Variants in CCAR1 observed in about 807,000 individuals in gnomAD.
CCAR1 encodes the protein cell division cycle and apoptosis regulator 1.
In CCAR1, 78 loss-of-function variants were observed where a neutral mutation model predicts 163.8. That is an observed-to-expected ratio of 0.48 (90% CI 0.40 to 0.57). The LOEUF is 0.57. CCAR1 is among the 20% of genes least tolerant of loss of function. The probability of loss-of-function intolerance (pLI) is 0.00; values close to 1 mark genes in which losing one functional copy is unlikely to be tolerated. For synonymous variants in CCAR1, 443 were observed against 460.7 expected (o/e 0.96, Z 0.49); for missense variants, 1,019 against 1,365.2 (o/e 0.75, Z 4.00).
chr10:68,756,222 TAA>T lies in CCAR1; in HGVS notation c.1626-48_1626-47del. 1 of 1,486,588 alleles carries T rather than the reference TAA, an allele frequency of 6.7e-7. No individual in the cohort carries two copies. Among genetic ancestry groups the T allele is most frequent in the Non-Finnish European group, 9.3e-7 (1 of 1,071,990 alleles). The allele number at this position is 1,486,588 out of a possible 1,614,324, so 92.1% of individuals were successfully genotyped here. On this transcript the variant is annotated intron_variant, in intron 13 of 24. Transcript: ENST00000265872. The surrounding 1 kb of genome is among the most constrained non-coding windows in gnomAD (Gnocchi z 5.1). ...TGTGCTACAAGTGAACTAGGGTCTTTAAAATGTATTTTAGAATTTTTTTTCCA... is the reference window on the plus strand; with the variant it reads ...TGTGCTACAAGTGAACTAGGGTCTTTAATGTATTTTAGAATTTTTTTTCCA...
At chr10:68,788,582 C>G (rs1564555714) in intron 23 of CCAR1, among the ~76,000 whole-genome samples, 2 of 152,036 alleles carry the variant, frequency 1.3e-5, no homozygotes, top group Non-Finnish European at 2.9e-5. Flanking sequence ...CCTCCCGGAT[C>G]CAAGTGATTC....
rs771371760 is a variant in CCAR1, at chr10:68,753,838, T to G, written c.1119-14T>G. The G allele has an allele frequency of 6.4e-7, 1 of 1,561,794 alleles. No homozygotes were observed. Among genetic ancestry groups the G allele is most frequent in the African/African-American group, 1.4e-5 (1 of 73,696 alleles). ...ATTAAGGCTATTTATTCACTACTTATGTCTGTTTTTCAGTCCCAGTTGTGA... is the reference window on the plus strand; with the variant it reads ...ATTAAGGCTATTTATTCACTACTTAGGTCTGTTTTTCAGTCCCAGTTGTGA... On this transcript the variant is annotated splice_polypyrimidine_tract_variant and intron_variant, in intron 10 of 24. Transcript: ENST00000265872.
At chr10:68,781,800 A>G (rs1312602872) in intron 19 of CCAR1, among the ~76,000 whole-genome samples, 1 of 151,108 alleles carries the variant, frequency 6.6e-6, no homozygotes, top group Non-Finnish European at 1.5e-5. Flanking sequence ...GCAGTGAGTC[A>G]TGATTGTGCC....
intron 6 of CCAR1, among the ~76,000 whole-genome samples, chr10:68,745,092 G>T (rs568717027): frequency 6.6e-6 from 1 of 151,950 alleles, no homozygotes; most frequent in Non-Finnish European, 1.5e-5. Context: ...TGTAACCTCC[G>T]CCTTCTGGTT....
chr10:68,783,832 A>G (rs1589193475), intron 19 of CCAR1, among the ~76,000 whole-genome samples: 1 of 151,246 alleles, frequency 6.6e-6, no homozygotes, highest in Non-Finnish European at 1.5e-5. Context: ...ATCTCAGCTC[A>G]CTGCAAGCTC....
chr10:68,732,310 TA>T, intron 2 of CCAR1, among the ~76,000 whole-genome samples: 1 of 151,662 alleles, frequency 6.6e-6, no homozygotes, highest in African/African-American at 2.4e-5. Flanking sequence ...ATTTACATGA[TA>T]ATTTTTTTTC....
At chr10:68,754,178 C>T (rs2056371196) in intron 11 of CCAR1, 101 bp downstream of exon 11, 2 of 745,320 alleles carry the variant, frequency 2.7e-6, no homozygotes, top group East Asian at 2.6e-5. Flanking sequence ...TTAGGTAGAC[C>T]CGAATACCTG....
intron 2 of CCAR1, among the ~76,000 whole-genome samples, chr10:68,726,871 C>G (rs1315166755): frequency 2.6e-5 from 4 of 151,512 alleles, no homozygotes; most frequent in African/African-American, 9.7e-5. Flanking sequence ...TGGTGTGCAT[C>G]TGTAATCCCA....
chr10:68,780,581 CTTTG>C (rs1407133883), intron 19 of CCAR1, among the ~76,000 whole-genome samples: 2 of 152,166 alleles, frequency 1.3e-5, no homozygotes, highest in Non-Finnish European at 2.9e-5. Context: ...TATAGGCATG[CTTTG>C]TTTTTTTTGC....
chr10:68,784,049 C>T (rs770386720), intron 19 of CCAR1, among the ~76,000 whole-genome samples: 8 of 152,004 alleles, frequency 5.3e-5, no homozygotes, highest in Non-Finnish European at 8.8e-5. Flanking sequence ...TGAGCCACTG[C>T]GCCCGGCCAA....
At chr10:68,728,028 G>T (rs1273705468) in intron 2 of CCAR1, among the ~76,000 whole-genome samples, 2 of 152,096 alleles carry the variant, frequency 1.3e-5, no homozygotes, top group Admixed American at 1.3e-4. Context: ...GTAGAGACAC[G>T]GTTTCACCAT....
chr10:68,784,921 T>A (rs900416898), intron 19 of CCAR1, among the ~76,000 whole-genome samples: 21 of 148,592 alleles, frequency 1.4e-4, no homozygotes, highest in African/African-American at 4.7e-4. Flanking sequence ...ATAACTTTTT[T>A]TTTTTTTTTT....
intron 15 of CCAR1, among the ~76,000 whole-genome samples, chr10:68,758,202 G>A (rs1186882894): frequency 1.3e-5 from 2 of 151,858 alleles, no homozygotes; most frequent in African/African-American, 2.4e-5. Flanking sequence ...TTACAGGCAC[G>A]TACAACCATG....
chr10:68,772,890 C>G (rs1447761381), intron 18 of CCAR1, 98 bp from the exon 19 acceptor site: 7 of 539,502 alleles, frequency 1.3e-5, no homozygotes, highest in Non-Finnish European at 2.2e-5. Flanking sequence ...GCCAGTGGAT[C>G]GCTTGAGCCC....
intron 2 of CCAR1, among the ~76,000 whole-genome samples, chr10:68,722,832 G>T (rs1471879557): frequency 6.6e-6 from 1 of 152,016 alleles, no homozygotes; most frequent in Non-Finnish European, 1.5e-5. Flanking sequence ...TGAGGCAGGA[G>T]AATCCCTTGA....
At chr10:68,722,403 G>A in intron 1 of CCAR1, 52 bp from the exon 2 acceptor site, 1 of 883,842 alleles carries the variant, frequency 1.1e-6, no homozygotes, top group Non-Finnish European at 1.9e-6. Context: ...ATATCCTTTT[G>A]TGATATCTGT....
intron 24 of CCAR1, among the ~76,000 whole-genome samples, chr10:68,790,858 C>G (rs911731114): frequency 3.4e-5 from 5 of 148,348 alleles, no homozygotes; most frequent in Non-Finnish European, 7.4e-5. Context: ...CTGCGAGACT[C>G]TGTCTCAAAA....
At chr10:68,733,710 A>G (rs1201845894) in intron 2 of CCAR1, among the ~76,000 whole-genome samples, 1 of 151,932 alleles carries the variant, frequency 6.6e-6, no homozygotes, top group Non-Finnish European at 1.5e-5. Flanking sequence ...CTGCTTTGTC[A>G]CTCAGGCTGG....
chr10:68,789,404 C>G (rs1409922188), intron 23 of CCAR1, among the ~76,000 whole-genome samples: 2 of 151,572 alleles, frequency 1.3e-5, no homozygotes, highest in African/African-American at 4.8e-5. Flanking sequence ...CCAGCCTGAC[C>G]AACATGGTGA....
Sources: gnomAD v4.1 joint callset for allele counts (sites outside exome capture counted in the v4.1 genomes callset) on GRCh38, gnomAD v4.1.1 for gene constraint, Gnocchi (gnomAD v3.1) non-coding constraint, MANE v1.5 for transcripts, NCBI Gene and HGNC (gene_info 2026-07-23, HGNC 2026-07-21) for gene names.